The following TERT variants were observed in gnomAD, a reference collection of about 807,000 sequenced individuals.
The protein encoded by TERT is telomerase catalytic subunit.
Under a neutral mutation model 104.0 loss-of-function variants are expected in TERT, and 42 were observed. That is an observed-to-expected ratio of 0.40 (90% CI 0.32 to 0.52). The LOEUF (loss-of-function observed/expected upper bound fraction) is 0.52, where lower values mean the gene tolerates loss of function less well. TERT is among the 20% of genes least tolerant of loss of function. TERT has a pLI of 0.43. For missense variants in TERT, 1,101 were observed against 1,610.3 expected (o/e 0.68, Z 5.41); for synonymous variants, 781 against 725.6 (o/e 1.08, Z -1.23).
rs556693045 is a variant in TERT at position 1,269,288 on chromosome 5, G to A, written c.2469-655C>T. Among the ~76,000 whole-genome samples the A allele has an allele frequency of 2.0e-5, 3 of 152,194 alleles. No homozygotes were observed. Among genetic ancestry groups the A allele is most frequent in the Non-Finnish European group, 2.9e-5 (2 of 67,998 alleles). On this transcript the variant is annotated intron_variant, in intron 8 of 15. Coordinates refer to ENST00000310581, the MANE Select transcript of TERT (RefSeq NM_198253.3). This position sits in a 1 kb window ranked among gnomAD's most constrained non-coding sequence, Gnocchi z 9.0. ...TGCAAAAACAAGACCTGTTATTTTC[G>A]GGAAGCGCTATAGGTGGTCACCTTA... is the stretch of plus-strand genomic sequence containing the variant.
chr5:1,277,280 C>T (rs961180362), intron 6 of TERT, among the ~76,000 whole-genome samples: 1 of 152,224 alleles, frequency 6.6e-6, no homozygotes, highest in African/African-American at 2.4e-5. Context: ...GCAACCCCAC[C>T]CCTGGAATTC....
chr5:1,283,816 C>T (rs1032295838), intron 2 of TERT, among the ~76,000 whole-genome samples: 4 of 145,860 alleles, frequency 2.7e-5, no homozygotes, highest in African/African-American at 1.0e-4. Context: ...ACATCCAGCC[C>T]ACCAAGGGCC....
rs1554043151 is a variant in TERT at position 1,294,848 on chromosome 5, G to A, written c.142C>T (p.Arg48Cys). The change falls in exon 1 of 16, where the codon CGC becomes TGC. Residue 48 changes from arginine to cysteine, a missense_variant. This residue lies in a region of TERT where 87 missense variants were observed against 145.4 expected (regional missense o/e 0.60). Coordinates refer to ENST00000310581, the MANE Select transcript of TERT (RefSeq NM_198253.3). ...LVQRGDPAAFRALVAQCLVCV... is the reference protein window; with the variant it reads ...LVQRGDPAAFCALVAQCLVCV... ...ACCAGGCACTGGGCCACCAGCGCGC[G>A]GAAAGCCGCCGGGTCCCCGCGCTGC... 5 of 1,459,288 alleles carry A rather than the reference G, an allele frequency of 3.4e-6. No individual in the cohort carries two copies. The highest frequency in any genetic ancestry group is 4.5e-6 in the Non-Finnish European group (5 of 1,114,358). 90.4% of individuals were successfully genotyped at this position (1,459,288 alleles called of 1,614,324 possible).
At position 1,255,901 on chromosome 5, in the gene TERT, T is replaced by TG. The variant is rs1392378061; in HGVS notation, c.3033-491dup. On this transcript the variant is annotated intron_variant, in intron 13 of 15. Coordinates refer to ENST00000310581, the MANE Select transcript of TERT (RefSeq NM_198253.3). This position sits in a 1 kb window ranked among gnomAD's most constrained non-coding sequence, Gnocchi z 6.9. Reference sequence around the variant, plus strand: ...TGCATAAACCCTGGGTCTGGGGTGATGGTGTGAGGACCCATCATCTCATCT... The same window carrying TG: ...TGCATAAACCCTGGGTCTGGGGTGATGGGTGTGAGGACCCATCATCTCATCT... 6.6e-6 allele frequency among the ~76,000 whole-genome samples: 1 copy of TG among 152,208 alleles called. No individual in the cohort carries two copies. Among genetic ancestry groups the TG allele is most frequent in the Non-Finnish European group, 1.5e-5 (1 of 68,008 alleles).
In TERT at chr5:1,261,554, T is replaced by C. The variant is rs1748227789; in HGVS notation, c.2844-954A>G. Among the ~76,000 whole-genome samples, 1 of 152,216 alleles carries C rather than the reference T, an allele frequency of 6.6e-6. No individual in the cohort carries two copies. Among genetic ancestry groups the C allele is most frequent in the Non-Finnish European group, 1.5e-5 (1 of 68,040 alleles). On this transcript the variant is annotated intron_variant, in intron 11 of 15. Coordinates refer to ENST00000310581, the MANE Select transcript of TERT (RefSeq NM_198253.3). The surrounding 1 kb of genome is among the most constrained non-coding windows in gnomAD (Gnocchi z 7.4). The stretch of plus-strand genomic sequence containing the variant: ...GCTTGCCTCAACCTGATGCTGGCTC[T>C]TGGCAAGCCCAGAAAAGGAGCCAGC...
rs1265120362 is a variant in TERT, at chr5:1,270,461, G to T, written c.2468+658C>A. Reference sequence around the variant, plus strand: ...GCAGATGCCTGCCGGGAGGTGTGTGGTTTTACTTAAAATCCAGAGGACGTG... The same window carrying T: ...GCAGATGCCTGCCGGGAGGTGTGTGTTTTTACTTAAAATCCAGAGGACGTG... On this transcript the variant is annotated intron_variant, in intron 8 of 15. Transcript: ENST00000310581. This position sits in a 1 kb window ranked among gnomAD's most constrained non-coding sequence, Gnocchi z 8.3. Among the ~76,000 whole-genome samples, 4 of 152,144 alleles carry T rather than the reference G, an allele frequency of 2.6e-5. No homozygotes were observed. The highest frequency in any genetic ancestry group is 9.7e-5 in the African/African-American group (4 of 41,438).
rs572957399 is a variant in TERT, at chr5:1,269,579, C to G, written c.2469-946G>C. On this transcript the variant is annotated intron_variant, in intron 8 of 15. Coordinates refer to ENST00000310581, the MANE Select transcript of TERT (RefSeq NM_198253.3). The surrounding 1 kb of genome is among the most constrained non-coding windows in gnomAD (Gnocchi z 9.0). ...TGAGTTGAGATCGCGCCACTGCACT[C>G]AAGCCCAGGCAGACAACAGTGACGT... Among the ~76,000 whole-genome samples the G allele has an allele frequency of 6.7e-6, 1 of 149,914 alleles. No individual in the cohort carries two copies. The highest frequency in any genetic ancestry group is 1.5e-5 in the Non-Finnish European group (1 of 67,610).
Position 1,269,729 on chromosome 5 carries a change from C to T in TERT, c.2469-1096G>A, listed in dbSNP as rs529755031. ...AGCACACGCACCAACTCTAGGAGTC[C>T]GGCCAGCCCAGCGAGTCAACGCAAG... On this transcript the variant is annotated intron_variant, in intron 8 of 15. Transcript: ENST00000310581. The surrounding 1 kb of genome is among the most constrained non-coding windows in gnomAD (Gnocchi z 9.0). Among the ~76,000 whole-genome samples the T allele has an allele frequency of 2.1e-4, 32 of 152,256 alleles. No individual in the cohort carries two copies. The highest frequency in any genetic ancestry group is 6.0e-4 in the African/African-American group (25 of 41,556).
intron 15 of TERT, 57 bp downstream of exon 15, chr5:1,254,311 C>A (rs193203519): frequency 3.7e-6 from 6 of 1,610,894 alleles, no homozygotes; most frequent in Non-Finnish European, 5.1e-6. Context: ...CCACACAGGG[C>A]GTTCAAGGAT....
intron 3 of TERT, among the ~76,000 whole-genome samples, chr5:1,281,267 C>A (rs1750004314): frequency 6.6e-6 from 1 of 152,248 alleles, no homozygotes; most frequent in Admixed American, 6.5e-5. Context: ...CCCTGACCCT[C>A]CCCCAGATGC....
chr5:1,278,714 G>A lies in TERT; in HGVS notation c.2213C>T (p.Thr738Met), dbSNP rs1749789095. ...VIASIIKPQN[T>M]YCVRRYAVVQ... ...CACGGCATACCGACGCACGCAGTAC[G>A]TGTTCTGGGGTTTGATGATGCTGGC... The change falls in exon 6 of 16, where the codon ACG (threonine) becomes ATG (methionine). Residue 738 changes from threonine to methionine, a missense_variant. Around this residue, in one of 5 missense-constraint regions of TERT, gnomAD observed 463 missense variants for 797.5 expected, o/e 0.58. Transcript: ENST00000310581. 3 of 1,614,066 alleles carry A rather than the reference G, an allele frequency of 1.9e-6. No homozygotes were observed. The highest frequency in any genetic ancestry group is 1.1e-5 in the South Asian group (1 of 91,088).
rs557652721 is a variant in TERT, at chr5:1,260,696, G to T, written c.2844-96C>A. Reference sequence around the variant, plus strand: ...CCAAAGAGCCTCCTGCCTTCCTCCCGCTTCCTTGTCCTGCCTGGGGCATGC... The same window carrying T: ...CCAAAGAGCCTCCTGCCTTCCTCCCTCTTCCTTGTCCTGCCTGGGGCATGC... On this transcript the variant is annotated intron_variant, in intron 11 of 15. Coordinates refer to ENST00000310581, the MANE Select transcript of TERT (RefSeq NM_198253.3). 3.0e-5 allele frequency: 46 copies of T among 1,558,520 alleles called. No homozygotes were observed. The East Asian group carries it at 9.7e-4, about 33-fold the overall frequency.
intron 3 of TERT, among the ~76,000 whole-genome samples, chr5:1,281,359 C>T (rs940804556): frequency 6.6e-6 from 1 of 152,064 alleles, no homozygotes; most frequent in Admixed American, 6.5e-5. Flanking sequence ...CCAGCTCCCT[C>T]TGCAGACATC....
Position 1,269,033 on chromosome 5 carries a change from C to T in TERT, c.2469-400G>A, listed in dbSNP as rs34948922. ...AAAGACTCATGACCCTACATGTAGC[C>T]GCTGCGCGCCAACGGATACAACCTT... On this transcript the variant is annotated intron_variant, in intron 8 of 15. Transcript: ENST00000310581. This position sits in a 1 kb window ranked among gnomAD's most constrained non-coding sequence, Gnocchi z 9.0. 1.7e-3 allele frequency among the ~76,000 whole-genome samples: 252 copies of T among 152,000 alleles called. 2 individuals carry two copies. Among genetic ancestry groups the T allele is most frequent in the African/African-American group, 5.8e-3 (239 of 41,438 alleles).
In TERT at chr5:1,256,859, C is replaced by T. The variant is rs1278891803; in HGVS notation, c.3033-1448G>A. Among the ~76,000 whole-genome samples the T allele has an allele frequency of 3.9e-5, 6 of 152,182 alleles. No homozygotes were observed. Among genetic ancestry groups the T allele is most frequent in the Non-Finnish European group, 7.3e-5 (5 of 68,038 alleles). ...AATAGCCACCTGCTAGAGGTCGGGG[C>T]GTCCACCCCAAGCCCGTGTGGAGGC... On this transcript the variant is annotated intron_variant, in intron 13 of 15. Transcript: ENST00000310581. The surrounding 1 kb of genome is among the most constrained non-coding windows in gnomAD (Gnocchi z 7.0).
Position 1,274,733 on chromosome 5 carries a change from G to A in TERT, c.2287-2453C>T, listed in dbSNP as rs779666016. ...CCGGGTTCCTAACAGGCCCCAGACCGGTGCCACTCCACAGCCAGGGGCCTC... is the reference window on the plus strand; with the variant it reads ...CCGGGTTCCTAACAGGCCCCAGACCAGTGCCACTCCACAGCCAGGGGCCTC... On this transcript the variant is annotated intron_variant, in intron 6 of 15. Transcript: ENST00000310581. This position sits in a 1 kb window ranked among gnomAD's most constrained non-coding sequence, Gnocchi z 5.3. Among the ~76,000 whole-genome samples, 16 of 152,344 alleles carry A rather than the reference G, an allele frequency of 1.1e-4. No individual in the cohort carries two copies. The highest frequency in any genetic ancestry group is 2.1e-4 in the Non-Finnish European group (14 of 68,036).
intron 13 of TERT, among the ~76,000 whole-genome samples, chr5:1,258,133 G>C (rs1224157442): frequency 6.6e-6 from 1 of 152,206 alleles, no homozygotes; most frequent in East Asian, 1.9e-4. Flanking sequence ...GGGCTGTGTG[G>C]GGAGCCACAG....
In TERT at chr5:1,269,004, G is replaced by A. The variant is rs1396454793; in HGVS notation, c.2469-371C>T. 5.3e-5 allele frequency among the ~76,000 whole-genome samples: 8 copies of A among 151,426 alleles called. No individual in the cohort carries two copies. In the East Asian group the frequency reaches 7.8e-4, roughly 15 times the overall value. ...TTTTTTTTTCAAGGAATTTGTCCAC[G>A]GTGAAAGACTCATGACCCTACATGT... On this transcript the variant is annotated intron_variant, in intron 8 of 15. Transcript: ENST00000310581. This position sits in a 1 kb window ranked among gnomAD's most constrained non-coding sequence, Gnocchi z 9.0.
At chr5:1,284,053 AGCACAT>A (rs1750278595) in intron 2 of TERT, among the ~76,000 whole-genome samples, 1 of 95,580 alleles carries the variant, frequency 1.0e-5, no homozygotes, top group African/African-American at 4.2e-5. Context: ...ATCCGGATAC[AGCACAT>A]CCAGCTCACA....
Sources: allele counts gnomAD v4.1 joint callset (sites outside exome capture counted in the v4.1 genomes callset), GRCh38; gene constraint gnomAD v4.1.1; regional missense constraint gnomAD v4.1.1; non-coding constraint Gnocchi (gnomAD v3.1); transcripts MANE v1.5; gene names NCBI Gene and HGNC (gene_info 2026-07-23, HGNC 2026-07-21).